ANKRD42: variants seen among roughly 807,000 people sequenced by gnomAD.
ANKRD42 encodes ankyrin repeat domain-containing protein 42.
ANKRD42 carries 43 observed loss-of-function variants against 51.5 expected under a neutral mutation model. The observed-to-expected ratio is 0.83, with a 90% confidence interval of 0.65 to 1.08. The LOEUF is 1.08. Among genes scored for constraint, ANKRD42 ranks in the 50% least tolerant of loss-of-function variants. The pLI is 0.00. For synonymous variants in ANKRD42, 203 were observed against 213.0 expected (o/e 0.95, Z 0.41); for missense variants, 608 against 629.3 (o/e 0.97, Z 0.36).
At chr11:83,255,589 CA>C (rs1863755850) in intron 11 of ANKRD42, among the ~76,000 whole-genome samples, 2 of 152,090 alleles carry the variant, frequency 1.3e-5, no homozygotes, top group Non-Finnish European at 2.9e-5. Context: ...GACAAGTAGC[CA>C]CTTCTTACCC....
In ANKRD42 at chr11:83,198,608, C is replaced by T. The variant is rs766687726; in HGVS notation, c.188C>T (p.Pro63Leu). The T allele has an allele frequency of 6.2e-7, 1 of 1,608,882 alleles. No homozygotes were observed. The highest frequency in any genetic ancestry group is 2.2e-5 in the East Asian group (1 of 44,532). The part of the protein sequence containing the change: ...NELDVLHKFT[P>L]LHWAAHSGSL... ...CTTGATGTTCTCCATAAGTTTACCC[C>T]TTTACATTGGGCAGCACATTCTGGA... The change falls in exon 2 of 11, where the codon CCT (proline) becomes CTT (leucine). Residue 63 changes from proline to leucine, a missense_variant. Transcript: ENST00000533342.
downstream of ANKRD42, among the ~76,000 whole-genome samples, chr11:83,258,279 T>A (rs1863806922): frequency 6.6e-6 from 1 of 151,960 alleles, no homozygotes; most frequent in African/African-American, 2.4e-5. Context: ...ATAATACAAT[T>A]CCCAAATTGT....
At position 83,254,429 on chromosome 11, in the gene ANKRD42, TC is replaced by T. The variant is rs1298970963; in HGVS notation, c.1465-1415del. ...GCCCCACCTGAGTGTTTTTCTTTTT[TC>T]TTTTCTTTTTTTTTTTTTTGAGACA... On this transcript the variant is annotated intron_variant, in intron 11 of 11. Transcript: ENST00000260047. Among the ~76,000 whole-genome samples the T allele has an allele frequency of 1.9e-3, 231 of 123,716 alleles. 1 individual carries two copies. Among genetic ancestry groups the T allele is most frequent in the South Asian group, 7.5e-3 (28 of 3,744 alleles). The allele number at this position is 123,716 out of a possible 152,430, so 81.2% of individuals were successfully genotyped here.
At chr11:83,209,680 T>C (rs1437393389) in intron 3 of ANKRD42, 6 of 747,158 alleles carry the variant, frequency 8.0e-6, no homozygotes, top group Non-Finnish European at 1.5e-5. Context: ...TACACAGCTG[T>C]CCTTACTTCC....
intron 7 of ANKRD42, among the ~76,000 whole-genome samples, chr11:83,230,749 G>A (rs1282877749): frequency 6.6e-6 from 1 of 152,064 alleles, no homozygotes; most frequent in Non-Finnish European, 1.5e-5. Flanking sequence ...ACCATGCCCG[G>A]CTAATTTTTT....
chr11:83,225,518 T>C (rs777809996), intron 6 of ANKRD42, among the ~76,000 whole-genome samples: 10 of 151,506 alleles, frequency 6.6e-5, no homozygotes, highest in Non-Finnish European at 1.5e-4. Flanking sequence ...TGAACCGTGA[T>C]TGTACCTCTG....
chr11:83,194,818 T>A (rs573333667), intron 1 of ANKRD42, 90 bp downstream of exon 1: 2 of 1,355,964 alleles, frequency 1.5e-6, no homozygotes. Flanking sequence ...GGCATTTCCT[T>A]TTCTCAGCCG....
At chr11:83,253,482 T>C (rs933612029), downstream of ANKRD42, among the ~76,000 whole-genome samples, 9 of 152,208 alleles carry the variant, frequency 5.9e-5, no homozygotes, top group Non-Finnish European at 1.0e-4. Flanking sequence ...CAGTTTTATA[T>C]GTAGAATTTT....
chr11:83,262,675 A>T (rs1402362356), downstream of ANKRD42, among the ~76,000 whole-genome samples: 1 of 152,226 alleles, frequency 6.6e-6, no homozygotes, highest in East Asian at 1.9e-4. Context: ...TTTATGAATA[A>T]AGACACAAGA....
At chr11:83,200,913 A>G (rs2135481414) in intron 2 of ANKRD42, among the ~76,000 whole-genome samples, 1 of 152,284 alleles carries the variant, frequency 6.6e-6, no homozygotes, top group South Asian at 2.1e-4. Flanking sequence ...AGTACTGGTG[A>G]CTACCATCAT....
chr11:83,245,069 A>C (rs915585531), intron 9 of ANKRD42, among the ~76,000 whole-genome samples: 4 of 151,968 alleles, frequency 2.6e-5, no homozygotes, highest in African/African-American at 4.8e-5. Flanking sequence ...CACACCGGCT[A>C]ATTTTTGTAT....
intron 2 of ANKRD42, among the ~76,000 whole-genome samples, chr11:83,199,869 A>G: frequency 6.6e-6 from 1 of 152,176 alleles, no homozygotes. Flanking sequence ...TGTGTGCCTC[A>G]CTTAAATGTT....
In ANKRD42 at chr11:83,206,039, A is replaced by G. The variant is rs77197520; in HGVS notation, c.223-19A>G. On this transcript the variant is annotated intron_variant, in intron 2 of 10. Coordinates refer to ENST00000533342, the MANE Select transcript of ANKRD42 (RefSeq NM_001300975.2). ...AAAAACATCCACTTTATCACTTGTT[A>G]ACATGGTTATTTTCTTAGTGTCTTC... is the stretch of plus-strand genomic sequence containing the variant. The G allele has an allele frequency of 1.1e-3, 1,718 of 1,594,730 alleles. 15 individuals are homozygous for G. In the African/African-American group the frequency reaches 0.021, roughly 20 times the overall value.
chr11:83,244,075 G>T (rs1863473468), intron 9 of ANKRD42, among the ~76,000 whole-genome samples: 1 of 142,918 alleles, frequency 7.0e-6, no homozygotes, highest in African/African-American at 2.6e-5. Context: ...TTCATCTCCT[G>T]GGCTCAAGTG....
intron 2 of ANKRD42, among the ~76,000 whole-genome samples, chr11:83,205,780 C>T (rs1267083977): frequency 6.6e-6 from 1 of 152,208 alleles, no homozygotes; most frequent in African/African-American, 2.4e-5. Context: ...ATAAGCATTT[C>T]ACTCATAGCA....
intron 2 of ANKRD42, among the ~76,000 whole-genome samples, chr11:83,200,096 T>A (rs1861810664): frequency 6.6e-6 from 1 of 152,074 alleles, no homozygotes; most frequent in Non-Finnish European, 1.5e-5. Flanking sequence ...CTCTTTGCTT[T>A]TGGGTGATTT....
intron 6 of ANKRD42, among the ~76,000 whole-genome samples, 173 bp downstream of exon 6, chr11:83,225,228 G>T (rs924189084): frequency 2.0e-5 from 3 of 152,046 alleles, no homozygotes; most frequent in African/African-American, 7.3e-5. Flanking sequence ...ACATATCGTT[G>T]TCTATACATT....
intron 5 of ANKRD42, among the ~76,000 whole-genome samples, chr11:83,223,532 T>C (rs1476412947): frequency 6.6e-6 from 1 of 152,064 alleles, no homozygotes; most frequent in Non-Finnish European, 1.5e-5. Flanking sequence ...GCCTGAACAA[T>C]GTGGAGAGAA....
intron 1 of ANKRD42, among the ~76,000 whole-genome samples, chr11:83,195,076 C>T (rs1487936132): frequency 6.6e-6 from 1 of 152,208 alleles, no homozygotes; most frequent in Non-Finnish European, 1.5e-5. Context: ...TAGTTTTCTT[C>T]TTTCACTCCA....
Sources: gnomAD v4.1 joint callset for allele counts (sites outside exome capture counted in the v4.1 genomes callset) on GRCh38, gnomAD v4.1.1 for gene constraint, MANE v1.5 for transcripts, NCBI Gene and HGNC (gene_info 2026-07-23, HGNC 2026-07-21) for gene names.